Variants in TPST1 observed in about 807,000 individuals in gnomAD.
TPST1 encodes tyrosylprotein sulfotransferase 1.
TPST1 carries 20 observed loss-of-function variants against 34.8 expected under a neutral mutation model. The observed-to-expected ratio is 0.57, with a 90% confidence interval of 0.40 to 0.84. The LOEUF is 0.84. TPST1 is among the 40% of genes least tolerant of loss of function. The probability of loss-of-function intolerance (pLI) is 0.00; values close to 1 mark genes in which losing one functional copy is unlikely to be tolerated. For missense variants in TPST1, 353 were observed against 455.5 expected (o/e 0.78, Z 2.05); for synonymous variants, 152 against 159.4 (o/e 0.95, Z 0.35).
intron 3 of TPST1, among the ~76,000 whole-genome samples, chr7:66,314,547 C>G (rs1454836236): frequency 6.6e-6 from 1 of 152,100 alleles, no homozygotes; most frequent in Non-Finnish European, 1.5e-5. Context: ...TAAAAACGAT[C>G]AATGTGGAAA....
chr7:66,258,816 C>G (rs190649126), intron 2 of TPST1, among the ~76,000 whole-genome samples: 24 of 152,252 alleles, frequency 1.6e-4, no homozygotes, highest in Non-Finnish European at 3.2e-4. Context: ...AGGGGTTTTG[C>G]CCAGAGTTTT....
intron 3 of TPST1, among the ~76,000 whole-genome samples, chr7:66,323,378 A>AG (rs761649097): frequency 0.09 from 13,663 of 152,206 alleles, 749 homozygotes; most frequent in Non-Finnish European, 0.11. Flanking sequence ...TTATCATGTT[A>AG]AAGAAGCTTT....
intron 3 of TPST1, among the ~76,000 whole-genome samples, chr7:66,349,045 A>G (rs1792414975): frequency 6.6e-6 from 1 of 152,040 alleles, no homozygotes; most frequent in African/African-American, 2.4e-5. Flanking sequence ...TATGCTTTTT[A>G]TAACAAGCCA....
chr7:66,277,013 G>A (rs1038841565), intron 2 of TPST1, among the ~76,000 whole-genome samples: 13 of 152,112 alleles, frequency 8.5e-5, no homozygotes, highest in African/African-American at 2.7e-4. Flanking sequence ...CTGGTAAAGC[G>A]TTAAATAATA....
At chr7:66,211,689 C>T (rs371196733) in intron 1 of TPST1, among the ~76,000 whole-genome samples, 2 of 152,156 alleles carry the variant, frequency 1.3e-5, no homozygotes, top group South Asian at 2.1e-4. Context: ...ACAGTCTTGC[C>T]GGGCGCAGTA....
intron 1 of TPST1, among the ~76,000 whole-genome samples, chr7:66,209,310 AC>A (rs1366708404): frequency 6.6e-6 from 1 of 152,178 alleles, no homozygotes; most frequent in Non-Finnish European, 1.5e-5. Flanking sequence ...TTGGGAAAGA[AC>A]TGGTAATTTG....
Position 66,298,977 on chromosome 7 carries a change from T to C in TPST1, c.1044+12268T>C, listed in dbSNP as rs372961228. Among the ~76,000 whole-genome samples the C allele has an allele frequency of 1.1e-4, 16 of 152,124 alleles. No homozygotes were observed. The East Asian group carries it at 2.7e-3, about 26-fold the overall frequency. On this transcript the variant is annotated intron_variant, in intron 3 of 5. Transcript: ENST00000304842. The stretch of plus-strand genomic sequence containing the variant: ...GTCTCTACTAAAAATACAAAAAGAA[T>C]TAGCTGGGCTTGGTTGTGGGCACCT...
chr7:66,298,341 C>T (rs980665341), intron 3 of TPST1, among the ~76,000 whole-genome samples: 2 of 152,144 alleles, frequency 1.3e-5, no homozygotes, highest in African/African-American at 2.4e-5. Context: ...GGAACACACC[C>T]ATTTAGACCT....
chr7:66,232,262 G>A (rs1256682411), intron 1 of TPST1, among the ~76,000 whole-genome samples: 1 of 146,880 alleles, frequency 6.8e-6, no homozygotes, highest in African/African-American at 2.5e-5. Context: ...TGGAGCTATG[G>A]TGTGATTATG....
At chr7:66,216,508 C>T (rs372293836) in intron 1 of TPST1, among the ~76,000 whole-genome samples, 53 of 148,358 alleles carry the variant, frequency 3.6e-4, no homozygotes, top group East Asian at 1.4e-3. Flanking sequence ...CTTGCTCTGT[C>T]GCCCAGGCTG....
upstream of TPST1, among the ~76,000 whole-genome samples, chr7:66,202,805 G>C (rs1789046590): frequency 6.6e-6 from 1 of 152,140 alleles, no homozygotes; most frequent in Non-Finnish European, 1.5e-5. Context: ...TGGGCGCGGT[G>C]GCTCACACCT....
chr7:66,358,335 T>C (rs1448894384), intron 5 of TPST1, among the ~76,000 whole-genome samples: 3 of 151,784 alleles, frequency 2.0e-5, no homozygotes, highest in Non-Finnish European at 2.9e-5. Context: ...TTGTTTTTTT[T>C]TTTTATATAA....
intron 1 of TPST1, among the ~76,000 whole-genome samples, chr7:66,214,214 A>G (rs1789338749): frequency 6.6e-6 from 1 of 152,074 alleles, no homozygotes. Flanking sequence ...TCCCTAGGCA[A>G]CCACTAATCT....
At chr7:66,232,685 T>C (rs1446476508) in intron 1 of TPST1, among the ~76,000 whole-genome samples, 5 of 152,196 alleles carry the variant, frequency 3.3e-5, no homozygotes, top group Non-Finnish European at 5.9e-5. Context: ...AAATTATTTT[T>C]TGTAGAGATG....
At chr7:66,295,386 T>C (rs374386180) in intron 3 of TPST1, among the ~76,000 whole-genome samples, 9 of 152,204 alleles carry the variant, frequency 5.9e-5, no homozygotes, top group African/African-American at 1.7e-4. Flanking sequence ...TTTCAGCTGC[T>C]TGGGAGGCTG....
chr7:66,203,221 A>T (rs1789050389), upstream of TPST1, among the ~76,000 whole-genome samples: 1 of 151,784 alleles, frequency 6.6e-6, no homozygotes, highest in African/African-American at 2.4e-5. Flanking sequence ...ACACACACAC[A>T]CACATATATA....
intron 3 of TPST1, among the ~76,000 whole-genome samples, chr7:66,303,391 G>GTGTATGTACGTATGTATGTATGTA (rs1791356987): frequency 1.3e-5 from 2 of 150,048 alleles, no homozygotes; most frequent in African/African-American, 4.9e-5. Context: ...ACAGCTGTGT[G>GTGTATGTACGTATGTATGTATGTA]TGTATGTATG....
chr7:66,219,918 G>C (rs995433763), intron 1 of TPST1, among the ~76,000 whole-genome samples: 1 of 152,092 alleles, frequency 6.6e-6, no homozygotes, highest in Non-Finnish European at 1.5e-5. Context: ...CTTATTTTTC[G>C]TTGCAGCAAT....
At chr7:66,300,352 T>A (rs1178386279) in intron 3 of TPST1, among the ~76,000 whole-genome samples, 1 of 152,194 alleles carries the variant, frequency 6.6e-6, no homozygotes, top group African/African-American at 2.4e-5. Flanking sequence ...AATCATAAGA[T>A]TGTAGCAATT....
Sources: allele counts gnomAD v4.1 joint callset (sites outside exome capture counted in the v4.1 genomes callset), GRCh38; gene constraint gnomAD v4.1.1; transcripts MANE v1.5; gene names NCBI Gene and HGNC (gene_info 2026-07-23, HGNC 2026-07-21).